The following ENOX1 variants were observed in gnomAD, a reference collection of about 807,000 sequenced individuals.
The protein encoded by ENOX1 is ecto-NOX disulfide-thiol exchanger 1.
Under a neutral mutation model 82.5 loss-of-function variants are expected in ENOX1, and 42 were observed. The observed-to-expected ratio is 0.51, with a 90% CI of 0.40 to 0.66. The LOEUF (loss-of-function observed/expected upper bound fraction) is 0.66, where lower values mean the gene tolerates loss of function less well. ENOX1 is among the 30% of genes least tolerant of loss of function. The pLI is 0.00. For synonymous variants in ENOX1, 271 were observed against 282.2 expected (o/e 0.96, Z 0.40); for missense variants, 608 against 811.6 (o/e 0.75, Z 3.05).
chr13:43,488,221 G>A (rs2076499849), intron 2 of ENOX1, among the ~76,000 whole-genome samples: 1 of 152,194 alleles, frequency 6.6e-6, no homozygotes, highest in Admixed American at 6.5e-5. Context: ...GCCTTTAAGA[G>A]ATGATTAGGC....
At chr13:43,368,257 T>C (rs2050980373) in intron 5 of ENOX1, among the ~76,000 whole-genome samples, 1 of 152,198 alleles carries the variant, frequency 6.6e-6, no homozygotes, top group African/African-American at 2.4e-5. Context: ...ACCCTCTGTC[T>C]CCTTTGACCA....
At chr13:43,603,522 T>A (rs2081832309) in intron 2 of ENOX1, among the ~76,000 whole-genome samples, 1 of 148,894 alleles carries the variant, frequency 6.7e-6, no homozygotes, top group Admixed American at 6.7e-5. Context: ...TATCTCCTAA[T>A]GCTATCCCTC....
chr13:43,721,877 A>G (rs1221844453), intron 1 of ENOX1, among the ~76,000 whole-genome samples: 1 of 152,172 alleles, frequency 6.6e-6, no homozygotes, highest in Non-Finnish European at 1.5e-5. Context: ...TTCAGTGCTC[A>G]GTAAACACTT....
chr13:43,730,002 C>A (rs1249889543), intron 1 of ENOX1, among the ~76,000 whole-genome samples: 1 of 152,212 alleles, frequency 6.6e-6, no homozygotes, highest in Non-Finnish European at 1.5e-5. Flanking sequence ...GAGATCCCTC[C>A]CCTCTCTCCA....
At chr13:43,317,875 G>A (rs1187176026) in intron 11 of ENOX1, among the ~76,000 whole-genome samples, 1 of 151,910 alleles carries the variant, frequency 6.6e-6, no homozygotes, top group Non-Finnish European at 1.5e-5. Flanking sequence ...CGTGGTGGCG[G>A]GTGCCTGTAG....
intron 10 of ENOX1, among the ~76,000 whole-genome samples, chr13:43,323,380 T>A (rs989259315): frequency 6.6e-6 from 1 of 152,230 alleles, no homozygotes; most frequent in African/African-American, 2.4e-5. Flanking sequence ...AGTTATTTAT[T>A]TGAGACTTTG....
intron 9 of ENOX1, among the ~76,000 whole-genome samples, chr13:43,332,435 C>A (rs998381291): frequency 1.3e-5 from 2 of 152,124 alleles, no homozygotes; most frequent in African/African-American, 2.4e-5. Flanking sequence ...TCCTGCTGTG[C>A]GGCCCAGTTC....
In ENOX1 at chr13:43,300,797, G is replaced by A. The variant is rs529986313; in HGVS notation, c.1262-2267C>T. 7.2e-5 allele frequency among the ~76,000 whole-genome samples: 11 copies of A among 152,320 alleles called. No individual in the cohort carries two copies. In the East Asian group the frequency reaches 1.9e-3, roughly 27 times the overall value. ...TGCATGGAATGAACTGGAGGCTGAA[G>A]AGAATGAATAAAGGAGATTTCATTT... On this transcript the variant is annotated intron_variant, in intron 11 of 16. Transcript: ENST00000690772.
In ENOX1 at chr13:43,589,422, T is replaced by C. The variant is rs553554951; in HGVS notation, c.-219+78057A>G. ...GATAAATATAGCAAGAAAATAATTG[T>C]CTCCCCTCAGAATCTACAACAGAAG... is the stretch of plus-strand genomic sequence containing the variant. On this transcript the variant is annotated intron_variant, in intron 2 of 16. Transcript: ENST00000690772. 2.0e-5 allele frequency among the ~76,000 whole-genome samples: 3 copies of C among 152,020 alleles called. No individual in the cohort carries two copies. In the East Asian group the frequency reaches 5.8e-4, roughly 29 times the overall value.
chr13:43,269,620 C>A, intron 12 of ENOX1, 43 bp from the exon 13 acceptor site: 1 of 1,488,996 alleles, frequency 6.7e-7, no homozygotes, highest in South Asian at 1.1e-5. Context: ...GATTGAAGGT[C>A]AGGTGATTTA....
At chr13:43,252,346 G>A (rs772008697) in intron 14 of ENOX1, among the ~76,000 whole-genome samples, 9 of 152,132 alleles carry the variant, frequency 5.9e-5, no homozygotes, top group Admixed American at 3.3e-4. Context: ...CAAGCCTGGC[G>A]GAATGTCTTC....
At position 43,356,074 on chromosome 13, in the gene ENOX1, T is replaced by C. The variant is rs1413954193; in HGVS notation, c.668A>G (p.Asp223Gly). Residue 223 changes from aspartate to glycine, a missense_variant, in exon 8 of 17, where the codon GAT becomes GGT. By Grantham distance (94) the Asp-to-Gly change is moderately conservative. Transcript: ENST00000690772. ...RLHVDFAQAR[D>G]DFYEWECKQR... ...CTTGCATTCCCACTCATAGAAGTCA[T>C]CCCTGGCCTGGGCAAAGTCCACATG... 6.2e-7 allele frequency: 1 copy of C among 1,614,148 alleles called. No individual in the cohort carries two copies.
intron 1 of ENOX1, among the ~76,000 whole-genome samples, chr13:43,783,471 G>C (rs139596618): frequency 2.0e-5 from 3 of 152,192 alleles, no homozygotes; most frequent in African/African-American, 7.2e-5. Flanking sequence ...TGTGACCCAG[G>C]GGAAGACATC....
chr13:43,231,676 T>C (rs970389899), intron 15 of ENOX1, among the ~76,000 whole-genome samples: 1 of 152,212 alleles, frequency 6.6e-6, no homozygotes, highest in Non-Finnish European at 1.5e-5. Context: ...AGCTGTCCTT[T>C]CTTCTGACAA....
intron 11 of ENOX1, among the ~76,000 whole-genome samples, chr13:43,319,177 G>A (rs961960048): frequency 1.3e-5 from 2 of 152,090 alleles, no homozygotes; most frequent in Non-Finnish European, 1.5e-5. Context: ...GCAGGATGCC[G>A]ATCTTCTAGA....
intron 2 of ENOX1, among the ~76,000 whole-genome samples, chr13:43,539,753 G>C (rs1197347942): frequency 6.6e-6 from 1 of 152,128 alleles, no homozygotes; most frequent in Non-Finnish European, 1.5e-5. Flanking sequence ...ATTCCTGAAA[G>C]AGATATATTG....
At chr13:43,741,683 G>A (rs1386283636) in intron 1 of ENOX1, among the ~76,000 whole-genome samples, 1 of 152,016 alleles carries the variant, frequency 6.6e-6, no homozygotes, top group East Asian at 1.9e-4. Flanking sequence ...CTCCCATTTC[G>A]TAGATTGCTT....
At chr13:43,215,426 C>T (rs914338274) in intron 16 of ENOX1, among the ~76,000 whole-genome samples, 5 of 152,194 alleles carry the variant, frequency 3.3e-5, no homozygotes, top group Non-Finnish European at 4.4e-5. Context: ...CGACAAAAGC[C>T]TATGAGACAG....
intron 2 of ENOX1, among the ~76,000 whole-genome samples, chr13:43,605,865 A>T (rs370522853): frequency 1.3e-5 from 2 of 152,316 alleles, no homozygotes; most frequent in East Asian, 3.9e-4. Context: ...CAAAGTGAAG[A>T]GATAACCCAA....
Sources: gnomAD v4.1 joint callset for allele counts (sites outside exome capture counted in the v4.1 genomes callset) on GRCh38, gnomAD v4.1.1 for gene constraint, MANE v1.5 for transcripts, NCBI Gene and HGNC (gene_info 2026-07-23, HGNC 2026-07-21) for gene names.